The following ZSWIM6 variants were observed in gnomAD, a reference collection of about 807,000 sequenced individuals.
ZSWIM6 encodes the protein zinc finger SWIM domain-containing protein 6.
In ZSWIM6, 9 loss-of-function variants were observed where a neutral mutation model predicts 113.2. The ratio of observed to expected loss-of-function variants is 0.08; its 90% CI spans 0.05 to 0.14. ZSWIM6 has a LOEUF of 0.14. Ranked by LOEUF, ZSWIM6 falls within the 10% of genes least tolerant of loss-of-function variation. The probability of loss-of-function intolerance (pLI) is 1.00; values close to 1 mark genes in which losing one functional copy is unlikely to be tolerated. For synonymous variants in ZSWIM6, 611 were observed against 606.5 expected (o/e 1.01, Z -0.11); for missense variants, 1,162 against 1,552.2 (o/e 0.75, Z 4.22).
At chr5:61,390,780 A>C (rs1579970831) in intron 1 of ZSWIM6, 4 of 789,414 alleles carry the variant, frequency 5.1e-6, no homozygotes, top group Admixed American at 1.7e-5. Flanking sequence ...GGTGTCAATG[A>C]ACTTAAGGTC....
chr5:61,353,451 T>C (rs914155263), intron 1 of ZSWIM6, among the ~76,000 whole-genome samples: 5 of 152,126 alleles, frequency 3.3e-5, no homozygotes, highest in African/African-American at 1.2e-4. Flanking sequence ...AGCTCTCAAG[T>C]GGGATCATGT....
intron 1 of ZSWIM6, among the ~76,000 whole-genome samples, chr5:61,454,631 G>A (rs950425745): frequency 6.7e-6 from 1 of 150,256 alleles, no homozygotes; most frequent in Non-Finnish European, 1.5e-5. Context: ...CTGGAATGTG[G>A]AATGCAGTGG....
At position 61,531,572 on chromosome 5, in the gene ZSWIM6, G is replaced by A; in HGVS notation, c.2092G>A (p.Gly698Arg). Residue 698 changes from glycine to arginine, a missense_variant, in exon 9 of 14, where the codon GGG becomes AGG. Gly to Arg is a moderately radical substitution (Grantham distance 125). Around this residue, in one of 4 missense-constraint regions of ZSWIM6, gnomAD observed 620 missense variants for 804.6 expected, o/e 0.77. Transcript: ENST00000252744. ...GCTGGCTGTGGAAGTAGCCCTGATA[G>A]GGCTAGGACAGCAGCGTATCATGCC... ...LTLAVEVALIGLGQQRIMPDG... is the reference protein window; with the variant it reads ...LTLAVEVALIRLGQQRIMPDG... The A allele has an allele frequency of 6.4e-7, 1 of 1,551,664 alleles. No homozygotes were observed. The highest frequency in any genetic ancestry group is 8.7e-7 in the Non-Finnish European group (1 of 1,146,978).
chr5:61,529,402 G>A (rs1270471140), intron 7 of ZSWIM6, among the ~76,000 whole-genome samples: 1 of 152,138 alleles, frequency 6.6e-6, no homozygotes, highest in Non-Finnish European at 1.5e-5. Context: ...ATATATAATC[G>A]TCTATTATCA....
At chr5:61,358,276 G>T (rs1025709950) in intron 1 of ZSWIM6, among the ~76,000 whole-genome samples, 1 of 152,170 alleles carries the variant, frequency 6.6e-6, no homozygotes, top group Admixed American at 6.5e-5. Flanking sequence ...TTAAGCCCTT[G>T]AAAGGATCTT....
chr5:61,336,203 G>T (rs553441762), intron 1 of ZSWIM6, among the ~76,000 whole-genome samples: 1 of 152,156 alleles, frequency 6.6e-6, no homozygotes, highest in East Asian at 1.9e-4. Context: ...GGCAGAGGTT[G>T]CGGTGAGCTA....
At chr5:61,468,429 G>T (rs1020794545) in intron 1 of ZSWIM6, among the ~76,000 whole-genome samples, 6 of 152,156 alleles carry the variant, frequency 3.9e-5, no homozygotes, top group African/African-American at 1.4e-4. Flanking sequence ...TTTAAGAAAA[G>T]GTTTATATAA....
chr5:61,390,117 G>A (rs1405441133), intron 1 of ZSWIM6, among the ~76,000 whole-genome samples: 6 of 152,056 alleles, frequency 3.9e-5, no homozygotes, highest in African/African-American at 1.4e-4. Context: ...CCAGCCAGTC[G>A]TCTGCCTGTC....
chr5:61,532,204 G>A (rs1749455398), intron 9 of ZSWIM6, among the ~76,000 whole-genome samples: 1 of 152,180 alleles, frequency 6.6e-6, no homozygotes, highest in Admixed American at 6.5e-5. Context: ...TGAGGGCTGT[G>A]CGAGTGAATT....
intron 1 of ZSWIM6, among the ~76,000 whole-genome samples, chr5:61,422,862 G>A (rs1265270106): frequency 6.6e-6 from 1 of 152,018 alleles, no homozygotes; most frequent in African/African-American, 2.4e-5. Context: ...ATTGTTTGCT[G>A]TTGGCATATA....
intron 1 of ZSWIM6, among the ~76,000 whole-genome samples, chr5:61,422,579 T>C (rs1189943072): frequency 6.6e-6 from 1 of 151,818 alleles, no homozygotes; most frequent in Non-Finnish European, 1.5e-5. Context: ...AAGTTTAGGA[T>C]TTTTTTTTCT....
intron 1 of ZSWIM6, among the ~76,000 whole-genome samples, chr5:61,442,894 G>GA (rs1746870195): frequency 6.6e-6 from 1 of 152,066 alleles, no homozygotes; most frequent in Non-Finnish European, 1.5e-5. Context: ...AAAAGCTCAA[G>GA]AAAAAACGTT....
At chr5:61,376,952 G>A (rs1212829487) in intron 1 of ZSWIM6, among the ~76,000 whole-genome samples, 2 of 151,540 alleles carry the variant, frequency 1.3e-5, no homozygotes, top group Non-Finnish European at 1.5e-5. Flanking sequence ...TTGAAGCTGA[G>A]ACTTACAATA....
Position 61,530,116 on chromosome 5 carries a change from C to T in ZSWIM6, c.1902C>T (p.Asp634=). ...AGGGCTGGGTTGGACATCCCCTGGA[C>T]CCTGTGGGCACTCTCTTCAGTAGCC... ...NLEGWVGHPL[D]PVGTLFSSLM... is the part of the protein sequence containing the mutation. Residue 634 remains aspartate, a synonymous_variant, in exon 8 of 14, where the codon GAC becomes GAT. Transcript: ENST00000252744. The T allele has an allele frequency of 6.4e-7, 1 of 1,551,780 alleles. No individual in the cohort carries two copies. Among genetic ancestry groups the T allele is most frequent in the East Asian group, 2.4e-5 (1 of 40,924 alleles).
At chr5:61,415,749 A>G (rs952572211) in intron 1 of ZSWIM6, among the ~76,000 whole-genome samples, 1 of 152,218 alleles carries the variant, frequency 6.6e-6, no homozygotes, top group African/African-American at 2.4e-5. Context: ...CCAGTCAACT[A>G]CAGGCCACTT....
chr5:61,541,776 G>T, intron 12 of ZSWIM6, 108 bp from the exon 13 acceptor site: 2 of 831,966 alleles, frequency 2.4e-6, no homozygotes, highest in Admixed American at 2.4e-5. Context: ...TCATCTTCCT[G>T]GTGGTAGACA....
chr5:61,342,345 CAGA>C (rs1744567978), intron 1 of ZSWIM6, among the ~76,000 whole-genome samples: 1 of 152,152 alleles, frequency 6.6e-6, no homozygotes, highest in Admixed American at 6.5e-5. Flanking sequence ...GGAATATAAT[CAGA>C]AGAAGTGAGT....
At chr5:61,338,566 G>A (rs1046815604) in intron 1 of ZSWIM6, among the ~76,000 whole-genome samples, 1 of 152,110 alleles carries the variant, frequency 6.6e-6, no homozygotes, top group Non-Finnish European at 1.5e-5. Context: ...TTGTTCTGAA[G>A]GAAGTTAAAT....
chr5:61,379,411 A>G (rs1745434287), intron 1 of ZSWIM6, among the ~76,000 whole-genome samples: 1 of 152,014 alleles, frequency 6.6e-6, no homozygotes, highest in Non-Finnish European at 1.5e-5. Flanking sequence ...TTATTGTCTA[A>G]ACGATTGCAC....
Sources: allele counts gnomAD v4.1 joint callset (sites outside exome capture counted in the v4.1 genomes callset), GRCh38; gene constraint gnomAD v4.1.1; regional missense constraint gnomAD v4.1.1; transcripts MANE v1.5; gene names NCBI Gene and HGNC (gene_info 2026-07-23, HGNC 2026-07-21).